ZSCAN5A: variants seen among roughly 807,000 people sequenced by gnomAD.
The protein encoded by ZSCAN5A is zinc finger and SCAN domain-containing protein 5A.
In ZSCAN5A, 12 loss-of-function variants were observed where a neutral mutation model predicts 23.7. That is an observed-to-expected ratio of 0.51 (90% CI 0.32 to 0.82). The LOEUF (loss-of-function observed/expected upper bound fraction) is 0.82, where lower values mean the gene tolerates loss of function less well. Among genes scored for constraint, ZSCAN5A ranks in the 40% least tolerant of loss-of-function variants. ZSCAN5A has a pLI of 0.03. For synonymous variants in ZSCAN5A, 257 were observed against 239.9 expected (o/e 1.07, Z -0.66); for missense variants, 597 against 617.9 (o/e 0.97, Z 0.36).
intron 2 of ZSCAN5A, chr19:56,340,781 G>C (rs1320028012): frequency 6.6e-6 from 1 of 152,134 alleles, no homozygotes; most frequent in Non-Finnish European, 1.5e-5. Flanking sequence ...TTTTCATTTT[G>C]GCAGGCAAAC....
At chr19:56,312,298 A>T (rs1426725490) in intron 2 of ZSCAN5A, 1 of 152,222 alleles carries the variant, frequency 6.6e-6, no homozygotes, top group Admixed American at 6.5e-5. Flanking sequence ...TGATAACTGA[A>T]CCAAGTATCA....
rs868809163 is a variant in ZSCAN5A at position 56,225,297 on chromosome 19, C to T, written c.-127-124G>A. The T allele has an allele frequency of 1.6e-5, 15 of 912,050 alleles. No homozygotes were observed. In the Middle Eastern group the frequency reaches 2.2e-3, roughly 133 times the overall value. The allele number at this position is 912,050 out of a possible 1,614,324, so 56.5% of individuals were successfully genotyped here. A position where few individuals can be genotyped will look rare whatever the true frequency, so the allele number is the denominator to read the frequency against. Reference sequence around the variant, plus strand: ...TCGAATTCAGCACAGTGGAAATCTTCCAGTGTCTATACCTGACTACATACT... The same window carrying T: ...TCGAATTCAGCACAGTGGAAATCTTTCAGTGTCTATACCTGACTACATACT... On this transcript the variant is annotated intron_variant, in intron 2 of 5. Coordinates refer to ENST00000683990, the MANE Select transcript of ZSCAN5A (RefSeq NM_001322064.3).
At chr19:56,244,622 C>T (rs2035715550) in intron 2 of ZSCAN5A, among the ~76,000 whole-genome samples, 2 of 148,698 alleles carry the variant, frequency 1.3e-5, no homozygotes, top group African/African-American at 5.2e-5. Context: ...GGAGACGCTG[C>T]TAAGCATTCT....
At chr19:56,314,547 G>GTCCTCCCACGAATCTCCCCC (rs1568744900) in intron 1 of ZSCAN5A, 134 bp downstream of exon 1, 5 of 152,240 alleles carry the variant, frequency 3.3e-5, no homozygotes, top group Admixed American at 6.6e-5. Context: ...CCCGGGCTCG[G>GTCCTCCCACGAATCTCCCCC]TCCTCCCACG....
chr19:56,345,327 T>C lies in ZSCAN5A; in HGVS notation c.-358+17908A>G, dbSNP rs1034063266. ...TTTATATATTTTCATTAGTGAAACATTGTTTACATAACACATAAATACACA... is the reference window on the plus strand; with the variant it reads ...TTTATATATTTTCATTAGTGAAACACTGTTTACATAACACATAAATACACA... On this transcript the variant is annotated intron_variant, in intron 2 of 6. Coordinates refer to the ZSCAN5A transcript ENST00000587340. Among the ~76,000 whole-genome samples, 8 of 152,234 alleles carry C rather than the reference T, an allele frequency of 5.3e-5. No individual in the cohort carries two copies. In the East Asian group the frequency reaches 1.2e-3, roughly 22 times the overall value.
At chr19:56,301,545 C>T (rs138698853) in intron 2 of ZSCAN5A, among the ~76,000 whole-genome samples, 157 of 152,270 alleles carry the variant, frequency 1.0e-3, no homozygotes, top group African/African-American at 2.5e-3. Context: ...AGGGTCTTTG[C>T]GACTTGTATC....
At chr19:56,297,664 G>A (rs1307494291) in intron 2 of ZSCAN5A, 6 of 381,650 alleles carry the variant, frequency 1.6e-5, no homozygotes, top group Non-Finnish European at 2.2e-5. Context: ...CTGAGAGGCT[G>A]CCTTCCTGAA....
At chr19:56,265,103 C>A (rs748157371) in intron 2 of ZSCAN5A, among the ~76,000 whole-genome samples, 1 of 151,984 alleles carries the variant, frequency 6.6e-6, no homozygotes, top group Admixed American at 6.6e-5. Flanking sequence ...GCCCGGGTGA[C>A]AGAGTGAGAC....
chr19:56,244,452 C>T, intron 2 of ZSCAN5A: 1 of 1,568,802 alleles, frequency 6.4e-7, no homozygotes, highest in Non-Finnish European at 8.7e-7. Flanking sequence ...GTGACTGGTG[C>T]AGGGAAGGGG....
At chr19:56,305,012 CA>C in intron 2 of ZSCAN5A, among the ~76,000 whole-genome samples, 1 of 152,288 alleles carries the variant, frequency 6.6e-6, no homozygotes, top group East Asian at 1.9e-4. Flanking sequence ...CACTGCCTGA[CA>C]GGGGCAAGGA....
At chr19:56,356,574 C>T (rs1399313106) in intron 2 of ZSCAN5A, among the ~76,000 whole-genome samples, 1 of 148,038 alleles carries the variant, frequency 6.8e-6, no homozygotes, top group South Asian at 2.2e-4. Flanking sequence ...GGGGGCGCTA[C>T]CTTATAACTA....
chr19:56,367,597 A>C (rs1403728902), intron 1 of ZSCAN5A, among the ~76,000 whole-genome samples: 1 of 152,240 alleles, frequency 6.6e-6, no homozygotes, highest in Non-Finnish European at 1.5e-5. Context: ...GATCTAAATA[A>C]TGCACTGAAG....
At position 56,223,775 on chromosome 19, in the gene ZSCAN5A, A is replaced by T; in HGVS notation, c.444T>A (p.Ala148=). 6.2e-7 allele frequency: 1 copy of T among 1,613,900 alleles called. No homozygotes were observed. The highest frequency in any genetic ancestry group is 1.1e-5 in the South Asian group (1 of 91,058). The stretch of plus-strand genomic sequence containing the variant: ...CATCTCTGACACTGGAGGGGGCTTC[A>T]GCCATCTCGATATCTGAGTCCTGCA... The part of the protein sequence containing the change: ...YIVQDSDIEM[A]EAPSSVRDDL... Residue 148 remains alanine, a synonymous_variant, in exon 4 of 6, where the codon GCT becomes GCA. Coordinates refer to ENST00000683990, the MANE Select transcript of ZSCAN5A (RefSeq NM_001322064.3).
intron 2 of ZSCAN5A, among the ~76,000 whole-genome samples, chr19:56,289,396 A>G (rs1431828984): frequency 6.6e-6 from 1 of 152,114 alleles, no homozygotes; most frequent in Admixed American, 6.6e-5. Flanking sequence ...TACAGAGGGG[A>G]GGGGAAATTT....
At chr19:56,281,150 T>C (rs1272944413) in intron 2 of ZSCAN5A, among the ~76,000 whole-genome samples, 1 of 152,080 alleles carries the variant, frequency 6.6e-6, no homozygotes, top group Non-Finnish European at 1.5e-5. Flanking sequence ...AAAGAGAAAA[T>C]ATGTTTACTC....
Position 56,351,773 on chromosome 19 carries a change from G to C in ZSCAN5A, c.-358+11462C>G, listed in dbSNP as rs1397449794. On this transcript the variant is annotated intron_variant, in intron 2 of 6. Transcript: ENST00000587340. The surrounding 1 kb of genome is among the most constrained non-coding windows in gnomAD (Gnocchi z 4.8). The stretch of plus-strand genomic sequence containing the variant: ...GTCTCCATCCTTTGCATCTTAACCT[G>C]TCGCAGAACAAGAAAAGTGGTGCCG... Among the ~76,000 whole-genome samples the C allele has an allele frequency of 6.6e-6, 1 of 152,176 alleles. No homozygotes were observed. The highest frequency in any genetic ancestry group is 1.5e-5 in the Non-Finnish European group (1 of 68,032).
chr19:56,281,267 G>C (rs955794815), intron 2 of ZSCAN5A, among the ~76,000 whole-genome samples: 1 of 152,134 alleles, frequency 6.6e-6, no homozygotes, highest in African/African-American at 2.4e-5. Context: ...TTCTGTCTCA[G>C]GGGTGGCAGA....
intron 2 of ZSCAN5A, chr19:56,274,504 A>T (rs2038105210): frequency 6.6e-6 from 1 of 152,024 alleles, no homozygotes. Context: ...CACGTTTTTT[A>T]AAAAATTTAT....
At chr19:56,272,133 G>GT (rs755493551) in intron 2 of ZSCAN5A, among the ~76,000 whole-genome samples, 1 of 152,186 alleles carries the variant, frequency 6.6e-6, no homozygotes, top group Non-Finnish European at 1.5e-5. Flanking sequence ...AGTGCTAGAG[G>GT]TAAGTATAAA....
Sources: gnomAD v4.1 joint callset for allele counts (sites outside exome capture counted in the v4.1 genomes callset) on GRCh38, gnomAD v4.1.1 for gene constraint, Gnocchi (gnomAD v3.1) non-coding constraint, MANE v1.5 for transcripts, NCBI Gene and HGNC (gene_info 2026-07-23, HGNC 2026-07-21) for gene names.